The following UBE2Q2 variants were observed in gnomAD, a reference collection of about 807,000 sequenced individuals.
UBE2Q2 encodes ubiquitin conjugating enzyme E2 Q2.
UBE2Q2 carries 54 observed loss-of-function variants against 59.9 expected under a neutral mutation model. That is an observed-to-expected ratio of 0.90 (90% CI 0.72 to 1.13). UBE2Q2 has a LOEUF of 1.13. Among genes scored for constraint, UBE2Q2 ranks in the 50% most tolerant of loss-of-function variants. The pLI is 0.00. For missense variants in UBE2Q2, 433 were observed against 441.9 expected (o/e 0.98, Z 0.18); for synonymous variants, 165 against 155.2 (o/e 1.06, Z -0.47).
chr15:75,896,487 A>G (rs926850512), intron 11 of UBE2Q2, among the ~76,000 whole-genome samples: 7 of 152,248 alleles, frequency 4.6e-5, no homozygotes, highest in Non-Finnish European at 7.3e-5. Flanking sequence ...TATTTTTATC[A>G]AAAGAGGGCT....
At chr15:75,859,687 G>C (rs1325695427) in intron 2 of UBE2Q2, among the ~76,000 whole-genome samples, 191 bp from the exon 3 acceptor site, 25 of 152,102 alleles carry the variant, frequency 1.6e-4, no homozygotes, top group Admixed American at 1.6e-3. Flanking sequence ...TATACCCCAA[G>C]CCATAGTAAC....
chr15:75,880,206 A>G (rs1015455044), intron 8 of UBE2Q2, among the ~76,000 whole-genome samples: 2 of 149,590 alleles, frequency 1.3e-5, no homozygotes, highest in Non-Finnish European at 3.0e-5. Context: ...TCTGCCTCCT[A>G]GGTTCAAGTG....
intron 2 of UBE2Q2, among the ~76,000 whole-genome samples, chr15:75,858,230 T>G (rs1205072612): frequency 6.6e-6 from 1 of 152,136 alleles, no homozygotes; most frequent in Non-Finnish European, 1.5e-5. Flanking sequence ...ATCTCCAGAG[T>G]TTCAAACCCA....
chr15:75,890,822 GA>G, intron 10 of UBE2Q2, 96 bp from the exon 11 acceptor site: 3 of 1,003,686 alleles, frequency 3.0e-6, no homozygotes, highest in Non-Finnish European at 4.5e-6. Flanking sequence ...TTTTAACACT[GA>G]TTTGCTGCTG....
At chr15:75,874,314 C>T (rs951021130) in intron 5 of UBE2Q2, among the ~76,000 whole-genome samples, 7 of 147,056 alleles carry the variant, frequency 4.8e-5, no homozygotes, top group African/African-American at 1.0e-4. Context: ...GATGAAGTTA[C>T]GCTCTGTCTC....
At chr15:75,845,386 G>C (rs1896291992) in intron 1 of UBE2Q2, among the ~76,000 whole-genome samples, 1 of 152,164 alleles carries the variant, frequency 6.6e-6, no homozygotes, top group African/African-American at 2.4e-5. Flanking sequence ...TGGAGAAGGG[G>C]AGGATTTTCC....
intron 11 of UBE2Q2, among the ~76,000 whole-genome samples, chr15:75,891,414 CT>C (rs1302144608): frequency 6.7e-6 from 1 of 149,594 alleles, no homozygotes; most frequent in East Asian, 2.0e-4. Flanking sequence ...TCCTGGTAAG[CT>C]TTTATGTGCT....
chr15:75,879,712 G>A (rs918731731), intron 8 of UBE2Q2, among the ~76,000 whole-genome samples: 10 of 152,168 alleles, frequency 6.6e-5, no homozygotes, highest in African/African-American at 1.9e-4. Flanking sequence ...ACAGATATAC[G>A]ATTTATCTAT....
intron 11 of UBE2Q2, among the ~76,000 whole-genome samples, chr15:75,892,398 T>C (rs934619458): frequency 6.6e-6 from 1 of 152,166 alleles, no homozygotes; most frequent in African/African-American, 2.4e-5. Flanking sequence ...TTTGGAATTA[T>C]CAGATACAGA....
chr15:75,858,354 C>T (rs930436095), intron 2 of UBE2Q2, among the ~76,000 whole-genome samples: 7 of 152,112 alleles, frequency 4.6e-5, no homozygotes, highest in Non-Finnish European at 8.8e-5. Context: ...CTATCAGCCC[C>T]GTGTTTTTTC....
Position 75,893,715 on chromosome 15 carries a change from A to C in UBE2Q2, c.1029+2701A>C, listed in dbSNP as rs541835633. Among the ~76,000 whole-genome samples, 268 of 152,356 alleles carry C rather than the reference A, an allele frequency of 1.8e-3. 5 individuals are homozygous for C. Among genetic ancestry groups the C allele is most frequent in the African/African-American group, 5.8e-3 (243 of 41,568 alleles). The stretch of plus-strand genomic sequence containing the variant: ...GATTTAAAAACAGTTGGTACCATAC[A>C]TACCATATAATTTAAATATGAAGCA... On this transcript the variant is annotated intron_variant, in intron 11 of 12. Transcript: ENST00000267938.
At chr15:75,888,004 A>G (rs1415687681) in intron 9 of UBE2Q2, among the ~76,000 whole-genome samples, 2 of 152,190 alleles carry the variant, frequency 1.3e-5, no homozygotes, top group African/African-American at 2.4e-5. Context: ...GTTTTGTTCT[A>G]TGTATTTCAT....
At chr15:75,890,841 A>G (rs1438912248) in intron 10 of UBE2Q2, 78 bp from the exon 11 acceptor site, 4 of 1,210,766 alleles carry the variant, frequency 3.3e-6, no homozygotes, top group Non-Finnish European at 3.6e-6. Flanking sequence ...CTGTTGAGTT[A>G]TATACCATTT....
At chr15:75,871,217 C>T (rs1486559508) in intron 4 of UBE2Q2, among the ~76,000 whole-genome samples, 2 of 152,248 alleles carry the variant, frequency 1.3e-5, no homozygotes, top group East Asian at 3.8e-4. Context: ...AGTATTGCTG[C>T]CCGCATGTCC....
intron 2 of UBE2Q2, among the ~76,000 whole-genome samples, chr15:75,857,351 T>G (rs191380264): frequency 6.6e-6 from 1 of 152,260 alleles, no homozygotes; most frequent in Non-Finnish European, 1.5e-5. Flanking sequence ...AAATATTACA[T>G]AAACATGTTC....
At chr15:75,861,109 T>C (rs1897187769) in intron 3 of UBE2Q2, among the ~76,000 whole-genome samples, 1 of 152,238 alleles carries the variant, frequency 6.6e-6, no homozygotes, top group African/African-American at 2.4e-5. Context: ...TTAGTACCTA[T>C]GTTTTGGGGG....
chr15:75,856,595 C>T (rs955957392), intron 2 of UBE2Q2, among the ~76,000 whole-genome samples: 2 of 151,972 alleles, frequency 1.3e-5, no homozygotes, highest in African/African-American at 4.8e-5. Context: ...AGTCTCAACT[C>T]TGATTTTTGT....
At chr15:75,847,294 A>C (rs1896402664) in intron 1 of UBE2Q2, among the ~76,000 whole-genome samples, 1 of 152,206 alleles carries the variant, frequency 6.6e-6, no homozygotes, top group African/African-American at 2.4e-5. Flanking sequence ...TGCAGAGATA[A>C]CATCAATAAC....
chr15:75,888,651 A>G (rs774871252), intron 9 of UBE2Q2, among the ~76,000 whole-genome samples: 6 of 152,238 alleles, frequency 3.9e-5, no homozygotes, highest in Non-Finnish European at 8.8e-5. Context: ...TTAATACAGA[A>G]GTAGAATCGG....
Sources: gnomAD v4.1 joint callset for allele counts (sites outside exome capture counted in the v4.1 genomes callset) on GRCh38, gnomAD v4.1.1 for gene constraint, MANE v1.5 for transcripts, NCBI Gene and HGNC (gene_info 2026-07-23, HGNC 2026-07-21) for gene names.